Variants in ABCB1 observed in about 807,000 individuals in gnomAD.
ABCB1 encodes the protein ATP-dependent translocase ABCB1.
In ABCB1, 69 loss-of-function variants were observed where a neutral mutation model predicts 142.0. The ratio of observed to expected loss-of-function variants is 0.49; its 90% CI spans 0.40 to 0.59. The LOEUF (loss-of-function observed/expected upper bound fraction) is 0.59. ABCB1 is among the 20% of genes least tolerant of loss of function. ABCB1 has a pLI of 0.00. For synonymous variants in ABCB1, 532 were observed against 539.2 expected, an observed-to-expected ratio of 0.99 and a Z score of 0.18; for missense variants, 1,326 against 1,554.7, an observed-to-expected ratio of 0.85 and a Z score of 2.47.
chr7:87,543,127 C>T (rs904513019), intron 17 of ABCB1, among the ~76,000 whole-genome samples: 3 of 151,998 alleles, frequency 2.0e-5, no homozygotes, highest in African/African-American at 7.2e-5. Context: ...AGTCCTATCT[C>T]TACTAAAAAT....
At chr7:87,615,781 G>A (rs1374118908) in intron 1 of ABCB1, among the ~76,000 whole-genome samples, 2 of 152,214 alleles carry the variant, frequency 1.3e-5, no homozygotes, top group Admixed American at 6.5e-5. Flanking sequence ...AGGAAAAGAA[G>A]GGTAAGAAGC....
At chr7:87,570,247 A>G (rs1817990506) in intron 4 of ABCB1, 24 bp from the exon 5 acceptor site, 1 of 1,598,070 alleles carries the variant, frequency 6.3e-7, no homozygotes, top group South Asian at 1.1e-5. Context: ...AAACAAACAT[A>G]CCATTTATGT....
upstream of ABCB1, among the ~76,000 whole-genome samples, chr7:87,603,315 G>A (rs1221069981): frequency 6.6e-6 from 1 of 152,134 alleles, no homozygotes; most frequent in South Asian, 2.1e-4. Context: ...AGACACTGAG[G>A]TTTGCATTAT....
chr7:87,556,163 G>A (rs959493161), intron 8 of ABCB1, among the ~76,000 whole-genome samples: 1 of 152,134 alleles, frequency 6.6e-6, no homozygotes, highest in Non-Finnish European at 1.5e-5. Flanking sequence ...GACTAAAAGA[G>A]ACTAAAGTTA....
intron 1 of ABCB1, among the ~76,000 whole-genome samples, chr7:87,657,803 A>T (rs1377824390): frequency 6.6e-6 from 1 of 152,142 alleles, no homozygotes; most frequent in Non-Finnish European, 1.5e-5. Flanking sequence ...AGTCCCACAC[A>T]GTAGTAATGA....
intron 1 of ABCB1, among the ~76,000 whole-genome samples, chr7:87,640,461 A>C (rs1052560866): frequency 6.6e-6 from 1 of 151,944 alleles, no homozygotes; most frequent in Non-Finnish European, 1.5e-5. Flanking sequence ...AGTGATCCTC[A>C]GCCTCCTGAG....
At chr7:87,663,812 T>C (rs1418428157) in intron 1 of ABCB1, among the ~76,000 whole-genome samples, 1 of 152,118 alleles carries the variant, frequency 6.6e-6, no homozygotes, top group Non-Finnish European at 1.5e-5. Context: ...CTGATTTGCT[T>C]TCTGGCAAGC....
intron 1 of ABCB1, among the ~76,000 whole-genome samples, chr7:87,707,293 T>C (rs1829687831): frequency 6.6e-6 from 1 of 152,110 alleles, no homozygotes; most frequent in Admixed American, 6.5e-5. Context: ...CTTTGGACTT[T>C]TAAGCAATTA....
At chr7:87,655,146 T>G (rs919750608) in intron 1 of ABCB1, among the ~76,000 whole-genome samples, 1 of 151,980 alleles carries the variant, frequency 6.6e-6, no homozygotes, top group African/African-American at 2.4e-5. Context: ...AAAATAGAAC[T>G]GCCATTAGTC....
chr7:87,641,998 A>T (rs996355853), intron 1 of ABCB1, among the ~76,000 whole-genome samples: 1 of 152,058 alleles, frequency 6.6e-6, no homozygotes, highest in Non-Finnish European at 1.5e-5. Flanking sequence ...GTATCTTAAC[A>T]TGATAAGAAA....
intron 1 of ABCB1, among the ~76,000 whole-genome samples, chr7:87,698,792 TG>T (rs1828742417): frequency 6.6e-6 from 1 of 152,164 alleles, no homozygotes; most frequent in Non-Finnish European, 1.5e-5. Context: ...GAAATACTTT[TG>T]AGGAGAAGTA....
At chr7:87,642,857 T>G (rs1363580171) in intron 1 of ABCB1, among the ~76,000 whole-genome samples, 1 of 152,184 alleles carries the variant, frequency 6.6e-6, no homozygotes, top group Non-Finnish European at 1.5e-5. Context: ...TTAAAATAAA[T>G]TTTGACAGTA....
In ABCB1 at chr7:87,539,530, C is replaced by T. The variant is rs192635560; in HGVS notation, c.2320-185G>A. On this transcript the variant is annotated intron_variant, in intron 18 of 27. Coordinates refer to ENST00000622132, the MANE Select transcript of ABCB1 (RefSeq NM_001348946.2). Reference sequence around the variant, plus strand: ...TACGGGTGGTGTAGACAGAAAAGCCCACTTTACAGAAGAAACTGAGGCTTA... The same window carrying T: ...TACGGGTGGTGTAGACAGAAAAGCCTACTTTACAGAAGAAACTGAGGCTTA... Among the ~76,000 whole-genome samples the T allele has an allele frequency of 2.6e-5, 4 of 152,312 alleles. No individual in the cohort carries two copies. The East Asian group carries it at 5.8e-4, about 22-fold the overall frequency.
chr7:87,596,926 G>A (rs546839825), intron 2 of ABCB1, among the ~76,000 whole-genome samples: 3 of 152,008 alleles, frequency 2.0e-5, no homozygotes, highest in Non-Finnish European at 4.4e-5. Flanking sequence ...TTAGCTCTAA[G>A]CCTTTTATTT....
At chr7:87,570,658 C>G (rs1818010707) in intron 4 of ABCB1, among the ~76,000 whole-genome samples, 1 of 152,150 alleles carries the variant, frequency 6.6e-6, no homozygotes, top group Non-Finnish European at 1.5e-5. Context: ...ATACAAAGAA[C>G]AGTGTAATAA....
chr7:87,623,107 CT>C (rs932402987), intron 1 of ABCB1, among the ~76,000 whole-genome samples: 8 of 152,138 alleles, frequency 5.3e-5, no homozygotes, highest in Non-Finnish European at 1.2e-4. Context: ...AATCCTGGCT[CT>C]GCCATTTACT....
Position 87,608,866 on chromosome 7 carries a change from CAGTTGGTT to C in ABCB1, c.-330-7796_-330-7789del, listed in dbSNP as rs1282041057. On this transcript the variant is annotated intron_variant, in intron 1 of 28. Coordinates refer to the ABCB1 transcript ENST00000265724. ...GAAACACTGCTAGCAGACCAATGAACAGTTGGTTAGATCTGACTTTACAATTTTAAGTT... is the reference window on the plus strand; with the variant it reads ...GAAACACTGCTAGCAGACCAATGAACAGATCTGACTTTACAATTTTAAGTT... Among the ~76,000 whole-genome samples, 3 of 152,228 alleles carry C rather than the reference CAGTTGGTT, an allele frequency of 2.0e-5. No individual in the cohort carries two copies. In the East Asian group the frequency reaches 5.8e-4, roughly 29 times the overall value.
At position 87,553,898 on chromosome 7, in the gene ABCB1, C is replaced by G; in HGVS notation, c.862G>C (p.Gly288Arg). 2 of 1,613,936 alleles carry G rather than the reference C, an allele frequency of 1.2e-6. No homozygotes were observed. Among genetic ancestry groups the G allele is most frequent in the Non-Finnish European group, 1.7e-6 (2 of 1,179,904 alleles). Residue 288 changes from glycine to arginine, a missense_variant, in exon 9 of 28, where the codon GGG (glycine) becomes CGG (arginine). Gly to Arg is a moderately radical substitution (Grantham distance 125). Coordinates refer to ENST00000622132, the MANE Select transcript of ABCB1 (RefSeq NM_001348946.2). ...TTGGCTGTAATAGCTTTCTTTATCC[C>G]AATTCTTTTAGCTTCTTCTAAATTT... Reference protein sequence around the residue: ...NKNLEEAKRIGIKKAITANIS... With the variant: ...NKNLEEAKRIRIKKAITANIS...
chr7:87,650,946 A>G, intron 1 of ABCB1: 1 of 1,436,830 alleles, frequency 7.0e-7, no homozygotes, highest in Non-Finnish European at 9.8e-7. Context: ...AGGTAAAAGC[A>G]CTAATGTACT....
Sources: gnomAD v4.1 joint callset for allele counts (sites outside exome capture counted in the v4.1 genomes callset) on GRCh38, gnomAD v4.1.1 for gene constraint, MANE v1.5 for transcripts, NCBI Gene and HGNC (gene_info 2026-07-23, HGNC 2026-07-21) for gene names.